The following RLF variants were observed in gnomAD, a reference collection of about 807,000 sequenced individuals.
The protein encoded by RLF is zinc finger protein Rlf.
In RLF, 7 loss-of-function variants were observed where a neutral mutation model predicts 162.9. That is an observed-to-expected ratio of 0.04 (90% confidence interval 0.02 to 0.08). The LOEUF (loss-of-function observed/expected upper bound fraction) is 0.08, where lower values mean the gene tolerates loss of function less well. Among genes scored for constraint, RLF ranks in the 10% least tolerant of loss-of-function variants. The probability of loss-of-function intolerance (pLI) is 1.00; values close to 1 mark genes in which losing one functional copy is unlikely to be tolerated. For synonymous variants in RLF, 782 were observed against 791.5 expected (o/e 0.99, Z 0.20); for missense variants, 1,664 against 2,244.7 (o/e 0.74, Z 5.23).
chr1:40,212,222 G>A (rs1286660132), intron 5 of RLF, among the ~76,000 whole-genome samples: 3 of 152,116 alleles, frequency 2.0e-5, no homozygotes, highest in African/African-American at 7.2e-5. Context: ...CCGCTGCTGG[G>A]GAAGATTTAG....
At position 40,195,778 on chromosome 1, in the gene RLF, C is replaced by T. The variant is rs1368290144; in HGVS notation, c.607+14C>T. The stretch of plus-strand genomic sequence containing the variant: ...AAACGGAGGAAGGTAAGTCTTAAGA[C>T]TATATTGGATGAGGATTTAGTTCTG... On this transcript the variant is annotated intron_variant, in intron 4 of 7. Coordinates refer to ENST00000372771, the MANE Select transcript of RLF (RefSeq NM_012421.4). 4 of 1,604,630 alleles carry T rather than the reference C, an allele frequency of 2.5e-6. No individual in the cohort carries two copies. The African/African-American group carries it at 5.4e-5, about 22-fold the overall frequency.
Position 40,228,984 on chromosome 1 carries a change from G to T in RLF, c.948-2533G>T, listed in dbSNP as rs941339404. ...AGAGTGGCTAAGCTTTTTTTGTTTG[G>T]TTGGTTTTAGGGTCTTACTGCGTTG... On this transcript the variant is annotated intron_variant, in intron 6 of 7. Coordinates refer to ENST00000372771, the MANE Select transcript of RLF (RefSeq NM_012421.4). 2.6e-5 allele frequency among the ~76,000 whole-genome samples: 4 copies of T among 151,986 alleles called. No homozygotes were observed. In the South Asian group the frequency reaches 8.3e-4, roughly 32 times the overall value.
intron 5 of RLF, among the ~76,000 whole-genome samples, chr1:40,204,321 C>G (rs1642760432): frequency 6.6e-6 from 1 of 151,322 alleles, no homozygotes; most frequent in African/African-American, 2.4e-5. Context: ...GGCCACTGGT[C>G]TCTCTCTTAA....
intron 1 of RLF, among the ~76,000 whole-genome samples, chr1:40,170,796 A>G (rs1286585768): frequency 6.6e-6 from 1 of 152,172 alleles, no homozygotes. Context: ...AGAATGAGTT[A>G]TATTTCAGAC....
At chr1:40,233,007 C>A (rs944614170) in intron 7 of RLF, among the ~76,000 whole-genome samples, 1 of 151,484 alleles carries the variant, frequency 6.6e-6, no homozygotes, top group Non-Finnish European at 1.5e-5. Context: ...AGCTGCCCCA[C>A]CTGCTTGAAC....
At chr1:40,202,698 AGAAT>A (rs1483078508) in intron 5 of RLF, 84 bp downstream of exon 5, 11 of 854,262 alleles carry the variant, frequency 1.3e-5, no homozygotes, top group Non-Finnish European at 1.9e-5. Flanking sequence ...TTTTCCCTTT[AGAAT>A]GAAAACCAAG....
chr1:40,235,642 A>G (rs893685411), intron 7 of RLF, 150 bp from the exon 8 acceptor site: 5 of 597,028 alleles, frequency 8.4e-6, no homozygotes, highest in Non-Finnish European at 1.4e-5. Flanking sequence ...TTGAGACAAG[A>G]AATATCTAAA....
chr1:40,184,443 TTGGTGTGG>T (rs977942883), intron 1 of RLF, among the ~76,000 whole-genome samples: 3 of 152,104 alleles, frequency 2.0e-5, no homozygotes, highest in Non-Finnish European at 4.4e-5. Flanking sequence ...TCAACAAACT[TTGGTGTGG>T]TGGTTTCAAA....
chr1:40,188,353 A>G (rs577592500), intron 1 of RLF, among the ~76,000 whole-genome samples: 27 of 152,318 alleles, frequency 1.8e-4, no homozygotes, highest in South Asian at 8.3e-4. Context: ...TTTAGATTCA[A>G]TACTCACCAG....
In RLF at chr1:40,161,533, G is replaced by A; in HGVS notation, c.134G>A (p.Gly45Glu). The A allele has an allele frequency of 1.9e-6, 3 of 1,606,960 alleles. No homozygotes were observed. The highest frequency in any genetic ancestry group is 2.5e-6 in the Non-Finnish European group (3 of 1,177,160). Residue 45 changes from glycine (G) to glutamate (E), a missense_variant, in exon 1 of 8, where the codon GGA becomes GAA. Around this residue, in one of 15 missense-constraint regions of RLF, gnomAD observed 134 missense variants for 124.3 expected, o/e 1.08. Transcript: ENST00000372771. The surrounding 1 kb of genome is among the most constrained non-coding windows in gnomAD (Gnocchi z 4.4). ...CATCGCCCCGTATCTCCAGCGCCGGGAGCCTCGGGACTGCGGCCGTGTCTG... is the reference window on the plus strand; with the variant it reads ...CATCGCCCCGTATCTCCAGCGCCGGAAGCCTCGGGACTGCGGCCGTGTCTG... ...RGHRPVSPAP[G>E]ASGLRPCLWQ...
chr1:40,193,017 T>A (rs961253695), intron 3 of RLF, among the ~76,000 whole-genome samples: 2 of 149,672 alleles, frequency 1.3e-5, no homozygotes, highest in Non-Finnish European at 3.0e-5. Context: ...GTTTTGATGA[T>A]CACCTAGAAT....
At chr1:40,228,176 C>T (rs1643103124) in intron 6 of RLF, among the ~76,000 whole-genome samples, 1 of 151,606 alleles carries the variant, frequency 6.6e-6, no homozygotes, top group Non-Finnish European at 1.5e-5. Flanking sequence ...TCCCCAGCTA[C>T]TCAGGAGGCT....
intron 1 of RLF, among the ~76,000 whole-genome samples, chr1:40,187,714 C>G (rs577554107): frequency 5.9e-5 from 9 of 152,230 alleles, no homozygotes; most frequent in South Asian, 2.1e-4. Context: ...TTCTCTCTCT[C>G]TCTTTTTTTA....
At chr1:40,228,739 G>A (rs149369306) in intron 6 of RLF, among the ~76,000 whole-genome samples, 5 of 152,096 alleles carry the variant, frequency 3.3e-5, no homozygotes, top group African/African-American at 1.2e-4. Context: ...TCCCACCTCA[G>A]CCTTCCAAGT....
At chr1:40,233,282 A>C (rs148341795) in intron 7 of RLF, among the ~76,000 whole-genome samples, 86 of 152,184 alleles carry the variant, frequency 5.7e-4, no homozygotes, top group African/African-American at 1.9e-3. Flanking sequence ...ACTTTTTGGC[A>C]TATCTGTTCA....
At chr1:40,210,493 G>C (rs1347132265) in intron 5 of RLF, among the ~76,000 whole-genome samples, 1 of 152,204 alleles carries the variant, frequency 6.6e-6, no homozygotes, top group African/African-American at 2.4e-5. Context: ...GGTTATTGAA[G>C]TCTTGTGAGA....
chr1:40,215,297 C>T (rs1298212414), intron 5 of RLF, among the ~76,000 whole-genome samples: 23 of 152,146 alleles, frequency 1.5e-4, no homozygotes, highest in Admixed American at 1.4e-3. Context: ...GAGCAGACAT[C>T]TATAGACTAC....
rs1441454867 is a variant in RLF, at chr1:40,239,071, C to G, written c.4369C>G (p.His1457Asp). The G allele has an allele frequency of 6.2e-7, 1 of 1,614,162 alleles. No homozygotes were observed. Among genetic ancestry groups the G allele is most frequent in the Admixed American group, 1.7e-5 (1 of 60,034 alleles). Residue 1457 changes from histidine (H) to aspartate (D), a missense_variant, in exon 8 of 8, where the codon CAT becomes GAT. His to Asp is a moderately conservative substitution (Grantham distance 81). This residue lies in a region of RLF where 200 missense variants were observed against 207.3 expected (regional missense o/e 0.96). Transcript: ENST00000372771. ...DLNGCGQIFT[H>D]RSNYSQHVYY... ...TAATGGCTGTGGCCAGATTTTCACC[C>G]ATCGCAGTAATTACTCACAACATGT...
At chr1:40,162,131 G>A (rs890171702) in intron 1 of RLF, among the ~76,000 whole-genome samples, 37 of 151,658 alleles carry the variant, frequency 2.4e-4, no homozygotes, top group African/African-American at 8.2e-4. Flanking sequence ...TTCGAAAGGC[G>A]TCTAGAGCTT....
Sources: gnomAD v4.1 joint callset for allele counts (sites outside exome capture counted in the v4.1 genomes callset) on GRCh38, gnomAD v4.1.1 for gene constraint, gnomAD v4.1.1 regional missense constraint, Gnocchi (gnomAD v3.1) non-coding constraint, MANE v1.5 for transcripts, NCBI Gene and HGNC (gene_info 2026-07-23, HGNC 2026-07-21) for gene names.